The following MCCC2 variants were observed in gnomAD, a reference collection of about 807,000 sequenced individuals.
MCCC2 encodes the protein methylcrotonyl-CoA carboxylase subunit 2.
Under a neutral mutation model 77.2 loss-of-function variants are expected in MCCC2, and 52 were observed. The observed-to-expected ratio is 0.67, with a 90% CI of 0.54 to 0.85. MCCC2 has a LOEUF of 0.85. Among genes scored for constraint, MCCC2 ranks in the 40% least tolerant of loss-of-function variants. The pLI, the probability that MCCC2 is intolerant of heterozygous loss-of-function variation, is 0.00. For missense variants in MCCC2, 682 were observed against 703.2 expected, an observed-to-expected ratio of 0.97 and a Z score of 0.34; for synonymous variants, 253 against 248.4, an observed-to-expected ratio of 1.02 and a Z score of -0.18.
intron 16 of MCCC2, among the ~76,000 whole-genome samples, chr5:71,653,246 G>C (rs1207091431): frequency 2.0e-5 from 3 of 152,156 alleles, no homozygotes; most frequent in Non-Finnish European, 2.9e-5. Context: ...TCACTGCCAG[G>C]GTCTGTGTGT....
At chr5:71,608,566 G>A (rs1745786657) in intron 6 of MCCC2, among the ~76,000 whole-genome samples, 1 of 151,308 alleles carries the variant, frequency 6.6e-6, no homozygotes, top group African/African-American at 2.4e-5. Flanking sequence ...GGAGCATTTA[G>A]TCCATTTACA....
intron 3 of MCCC2, 144 bp downstream of exon 3, chr5:71,596,508 A>T: frequency 1.3e-6 from 1 of 787,192 alleles, no homozygotes; most frequent in Non-Finnish European, 2.2e-6. Context: ...ACTATGTGTC[A>T]AGCACTATGT....
chr5:71,598,941 T>C (rs1378648560), intron 3 of MCCC2, among the ~76,000 whole-genome samples: 1 of 148,900 alleles, frequency 6.7e-6, no homozygotes, highest in Non-Finnish European at 1.5e-5. Context: ...TTTTTTTTTG[T>C]AAAGATGGGG....
intron 1 of MCCC2, 179 bp from the exon 2 acceptor site, chr5:71,592,747 G>A: frequency 1.6e-6 from 1 of 644,426 alleles, no homozygotes. Flanking sequence ...AGGCAGGGGT[G>A]AATCTTTTCC....
chr5:71,617,200 T>G (rs1352360918), intron 6 of MCCC2, among the ~76,000 whole-genome samples: 1 of 152,178 alleles, frequency 6.6e-6, no homozygotes, highest in Non-Finnish European at 1.5e-5. Context: ...GACCATCTGC[T>G]CAGGCCCATG....
At position 71,604,407 on chromosome 5, in the gene MCCC2, GA is replaced by G; in HGVS notation, c.564del (p.Asp189ThrfsTer84). 1 of 1,614,086 alleles carries G rather than the reference GA, an allele frequency of 6.2e-7. No homozygotes were observed. The highest frequency in any genetic ancestry group is 1.1e-5 in the South Asian group (1 of 91,066). On this transcript the variant is annotated frameshift_variant, in exon 6 of 17. Transcript: ENST00000340941. LOFTEE classifies it high-confidence loss of function. ...CGACAAGCAGATGTGTTTCCAGATC[GA>G]GACCACTTTGGCCGTACATTCTATA... Reference protein sequence around the residue: ...LPRQADVFPDRDHFGRTFYNQ... With the variant: ...LPRQADVFPDXDHFGRTFYNQ...
At chr5:71,639,005 T>C (rs1230704249) in intron 10 of MCCC2, among the ~76,000 whole-genome samples, 5 of 152,196 alleles carry the variant, frequency 3.3e-5, no homozygotes, top group African/African-American at 1.2e-4. Context: ...AGAAATCTTT[T>C]TTTCTGAGTA....
chr5:71,638,607 A>C (rs550754453), intron 10 of MCCC2, among the ~76,000 whole-genome samples: 1 of 151,914 alleles, frequency 6.6e-6, no homozygotes, highest in Non-Finnish European at 1.5e-5. Context: ...TGCAACCTCT[A>C]TCTTCCAGGT....
At chr5:71,635,863 AATTAT>A (rs1261889366) in intron 10 of MCCC2, 1 of 162,612 alleles carries the variant, frequency 6.1e-6, no homozygotes, top group African/African-American at 2.4e-5. Flanking sequence ...TAATATTTCA[AATTAT>A]ATTTTCCCCT....
At chr5:71,593,228 C>T (rs1266609582) in intron 2 of MCCC2, among the ~76,000 whole-genome samples, 1 of 151,912 alleles carries the variant, frequency 6.6e-6, no homozygotes, top group Non-Finnish European at 1.5e-5. Flanking sequence ...GTTGGGATTA[C>T]AGGTGCCTGC....
At chr5:71,655,890 A>G (rs1371298332) in intron 16 of MCCC2, among the ~76,000 whole-genome samples, 1 of 152,244 alleles carries the variant, frequency 6.6e-6, no homozygotes, top group Non-Finnish European at 1.5e-5. Flanking sequence ...ATAAAGACCT[A>G]CATTTGAAGG....
Position 71,610,716 on chromosome 5 carries a change from G to T in MCCC2, c.624+6248G>T, listed in dbSNP as rs986513721. ...TAAAACAGGTTTTAGGCCAGGCGCGGTGGCTCACGCCTGGAATCCCAGCAC... is the reference window on the plus strand; with the variant it reads ...TAAAACAGGTTTTAGGCCAGGCGCGTTGGCTCACGCCTGGAATCCCAGCAC... On this transcript the variant is annotated intron_variant, in intron 6 of 16. Coordinates refer to ENST00000340941, the MANE Select transcript of MCCC2 (RefSeq NM_022132.5). 6.4e-4 allele frequency among the ~76,000 whole-genome samples: 97 copies of T among 152,346 alleles called. 2 individuals are homozygous for T. Among genetic ancestry groups the T allele is most frequent in the Middle Eastern group, 3.4e-3 (1 of 294 alleles).
intron 10 of MCCC2, 61 bp downstream of exon 10, chr5:71,635,307 T>A: frequency 6.9e-7 from 1 of 1,441,248 alleles, no homozygotes; most frequent in Non-Finnish European, 9.8e-7. Flanking sequence ...TATGTGTATC[T>A]ATTTGCAAAG....
chr5:71,633,123 A>ATTTTTTTTT (rs1391065508), intron 8 of MCCC2, among the ~76,000 whole-genome samples: 51 of 31,778 alleles, frequency 1.6e-3, no homozygotes, highest in Middle Eastern at 0.022. Flanking sequence ...ATATATATAT[A>ATTTTTTTTT]TATATATATT....
In MCCC2 at chr5:71,624,633, T is replaced by C. The variant is rs1252902904; in HGVS notation, c.625-2007T>C. 4.0e-5 allele frequency among the ~76,000 whole-genome samples: 6 copies of C among 151,048 alleles called. No homozygotes were observed. The South Asian group carries it at 1.3e-3, about 32-fold the overall frequency. On this transcript the variant is annotated intron_variant, in intron 6 of 16. Transcript: ENST00000340941. ...CTCAGGTGATCCGCCCACCTCAGCC[T>C]CCCAAAGTGCTGGGATTACAGGCGT... is the stretch of plus-strand genomic sequence containing the variant.
chr5:71,595,503 A>T (rs1447193840), intron 2 of MCCC2, among the ~76,000 whole-genome samples: 1 of 152,156 alleles, frequency 6.6e-6, no homozygotes, highest in Non-Finnish European at 1.5e-5. Flanking sequence ...ACAAAGAAAT[A>T]GCTTTCTGAA....
chr5:71,610,871 A>C (rs1249011741), intron 6 of MCCC2, among the ~76,000 whole-genome samples: 2 of 152,192 alleles, frequency 1.3e-5, no homozygotes, highest in African/African-American at 4.8e-5. Flanking sequence ...CTGTAGTCCC[A>C]GCAACTTGGG....
In MCCC2 at chr5:71,599,327, G is replaced by A. The variant is rs1222138995; in HGVS notation, c.282-332G>A. ...GGAGGTTGCAGTGAGCTGAGATCGC[G>A]CCACTGCACTCCAGCCTGGGTGACA... On this transcript the variant is annotated intron_variant, in intron 3 of 16. Coordinates refer to ENST00000340941, the MANE Select transcript of MCCC2 (RefSeq NM_022132.5). Among the ~76,000 whole-genome samples the A allele has an allele frequency of 3.9e-5, 6 of 152,072 alleles. No homozygotes were observed. The South Asian group carries it at 8.3e-4, about 21-fold the overall frequency.
intron 6 of MCCC2, among the ~76,000 whole-genome samples, chr5:71,607,496 T>A (rs1295956660): frequency 5.5e-5 from 8 of 146,468 alleles, no homozygotes; most frequent in Admixed American, 6.9e-5. Flanking sequence ...GCTAGCGGTC[T>A]ATCAATTTTG....
Sources: allele counts gnomAD v4.1 joint callset (sites outside exome capture counted in the v4.1 genomes callset), GRCh38; gene constraint gnomAD v4.1.1; transcripts MANE v1.5; gene names NCBI Gene and HGNC (gene_info 2026-07-23, HGNC 2026-07-21).